BCAS3: variants seen among roughly 807,000 people sequenced by gnomAD.
The protein encoded by BCAS3 is BCAS3 microtubule associated cell migration factor.
In BCAS3, 53 loss-of-function variants were observed where a neutral mutation model predicts 116.1. The ratio of observed to expected loss-of-function variants is 0.46; its 90% CI spans 0.37 to 0.57. BCAS3 has a LOEUF of 0.57. BCAS3 is among the 20% of genes least tolerant of loss of function. The pLI, the probability that BCAS3 is intolerant of heterozygous loss-of-function variation, is 0.00. For missense variants in BCAS3, 917 were observed against 1,165.4 expected, an observed-to-expected ratio of 0.79 and a Z score of 3.10; for synonymous variants, 391 against 408.2, an observed-to-expected ratio of 0.96 and a Z score of 0.51.
chr17:61,304,595 G>A (rs1430624963), intron 22 of BCAS3, among the ~76,000 whole-genome samples: 1 of 152,186 alleles, frequency 6.6e-6, no homozygotes, highest in Admixed American at 6.5e-5. Context: ...AGGAAGGAGG[G>A]AGGAAAGAGG....
rs1367285417 is a variant in BCAS3 at position 61,007,489 on chromosome 17, C to T, written c.1487-8262C>T. On this transcript the variant is annotated intron_variant, in intron 15 of 23. Coordinates refer to ENST00000407086, the MANE Select transcript of BCAS3 (RefSeq NM_017679.5). The surrounding 1 kb of genome is among the most constrained non-coding windows in gnomAD (Gnocchi z 4.3). ...GCCAACACATTCAGATAATAATTAA[C>T]AGATGATAATGGATTCACAATAGAA... 6.6e-6 allele frequency among the ~76,000 whole-genome samples: 1 copy of T among 151,900 alleles called. No homozygotes were observed. Among genetic ancestry groups the T allele is most frequent in the Non-Finnish European group, 1.5e-5 (1 of 67,944 alleles).
intron 16 of BCAS3, among the ~76,000 whole-genome samples, chr17:61,016,600 C>G (rs1049083414): frequency 2.6e-5 from 4 of 152,156 alleles, no homozygotes; most frequent in African/African-American, 9.7e-5. Context: ...TATATTAACA[C>G]TGGAAATCCA....
At position 61,261,539 on chromosome 17, in the gene BCAS3, G is replaced by GA. The variant is rs1249624340; in HGVS notation, c.2426-106782dup. Among the ~76,000 whole-genome samples, 1 of 151,984 alleles carries GA rather than the reference G, an allele frequency of 6.6e-6. No homozygotes were observed. Among genetic ancestry groups the GA allele is most frequent in the Non-Finnish European group, 1.5e-5 (1 of 67,968 alleles). On this transcript the variant is annotated intron_variant, in intron 22 of 23. Coordinates refer to ENST00000407086, the MANE Select transcript of BCAS3 (RefSeq NM_017679.5). The surrounding 1 kb of genome is among the most constrained non-coding windows in gnomAD (Gnocchi z 4.4). ...TACTCTTCTGTTATTACATTCATTA[G>GA]AAAAAAGAGCTGTTTATTTCTTTTC...
intron 19 of BCAS3, among the ~76,000 whole-genome samples, chr17:61,059,152 G>A (rs901526541): frequency 2.3e-4 from 30 of 131,466 alleles, no homozygotes; most frequent in East Asian, 2.3e-4. Context: ...GCACAATCTC[G>A]GCTCGCTGCA....
At chr17:60,744,630 T>C (rs2041878937) in intron 5 of BCAS3, among the ~76,000 whole-genome samples, 1 of 152,134 alleles carries the variant, frequency 6.6e-6, no homozygotes, top group Admixed American at 6.5e-5. Flanking sequence ...TTTCAGTAGG[T>C]TGTACAATCC....
intron 6 of BCAS3, among the ~76,000 whole-genome samples, chr17:60,786,391 G>A (rs2046286912): frequency 1.3e-5 from 2 of 151,990 alleles, no homozygotes; most frequent in Non-Finnish European, 2.9e-5. Flanking sequence ...GCATGGTGGT[G>A]CACATCTGTA....
chr17:60,849,565 T>C (rs1184670772), intron 7 of BCAS3, among the ~76,000 whole-genome samples: 2 of 152,160 alleles, frequency 1.3e-5, no homozygotes, highest in East Asian at 3.8e-4. Context: ...AAAAAGTTTA[T>C]AAAGAGATTT....
chr17:61,274,393 G>T (rs1410920341), intron 22 of BCAS3, among the ~76,000 whole-genome samples: 1 of 147,222 alleles, frequency 6.8e-6, no homozygotes, highest in African/African-American at 2.5e-5. Context: ...GGTTCAAGCA[G>T]TTCTTCTGCC....
At chr17:60,685,827 A>G (rs1337015999) in intron 3 of BCAS3, among the ~76,000 whole-genome samples, 2 of 151,968 alleles carry the variant, frequency 1.3e-5, no homozygotes, top group African/African-American at 4.8e-5. Context: ...TACTGACCAT[A>G]GGTTGCTTAG....
intron 12 of BCAS3, among the ~76,000 whole-genome samples, chr17:60,917,666 C>T (rs1285258307): frequency 6.6e-6 from 1 of 151,874 alleles, no homozygotes; most frequent in East Asian, 1.9e-4. Context: ...CAATGTTGGC[C>T]CACTGCAACT....
At chr17:61,255,062 T>G (rs749872504) in intron 22 of BCAS3, among the ~76,000 whole-genome samples, 12 of 152,202 alleles carry the variant, frequency 7.9e-5, no homozygotes, top group Non-Finnish European at 1.6e-4. Context: ...TTAATCTCAA[T>G]TTGTTCTGAA....
intron 2 of BCAS3, 96 bp downstream of exon 2, chr17:60,679,636 A>G (rs2032681731): frequency 1.0e-6 from 1 of 998,424 alleles, no homozygotes; most frequent in African/African-American, 1.6e-5. Flanking sequence ...ACTTTTGTAA[A>G]AATCTTTTAA....
chr17:60,766,677 G>T (rs1172321545), intron 6 of BCAS3, among the ~76,000 whole-genome samples: 1 of 152,214 alleles, frequency 6.6e-6, no homozygotes, highest in Non-Finnish European at 1.5e-5. Context: ...GAGGCAGTCT[G>T]TCTTTTCTCA....
chr17:60,896,726 A>T (rs2057537792), intron 10 of BCAS3, among the ~76,000 whole-genome samples: 1 of 151,868 alleles, frequency 6.6e-6, no homozygotes, highest in African/African-American at 2.4e-5. Context: ...TCTTTATGGT[A>T]AGGTAAGTTT....
At chr17:60,735,923 G>C (rs904374789) in intron 5 of BCAS3, among the ~76,000 whole-genome samples, 2 of 143,164 alleles carry the variant, frequency 1.4e-5, no homozygotes, top group African/African-American at 6.0e-5. Context: ...CGATGTGATG[G>C]CTTATGTTAA....
In BCAS3 at chr17:61,077,691, C is replaced by T. The variant is rs2072156892; in HGVS notation, c.2131-642C>T. Among the ~76,000 whole-genome samples, 1 of 151,740 alleles carries T rather than the reference C, an allele frequency of 6.6e-6. No homozygotes were observed. Among genetic ancestry groups the T allele is most frequent in the South Asian group, 2.1e-4 (1 of 4,822 alleles). On this transcript the variant is annotated intron_variant, in intron 20 of 23. Coordinates refer to ENST00000407086, the MANE Select transcript of BCAS3 (RefSeq NM_017679.5). This position sits in a 1 kb window ranked among gnomAD's most constrained non-coding sequence, Gnocchi z 4.3. ...ACACTAATTAATGGTATTTGGAAGA[C>T]AAAAATCTAGTTTGAGAGAAAATAT...
intron 14 of BCAS3, among the ~76,000 whole-genome samples, chr17:60,951,796 C>T (rs771464358): frequency 2.6e-5 from 3 of 116,784 alleles, no homozygotes; most frequent in African/African-American, 6.9e-5. Context: ...TCTTTGGAGA[C>T]GGAGTCTCTA....
chr17:61,367,107 G>C lies in BCAS3; in HGVS notation c.2426-1220G>C, dbSNP rs998286738. ...GACACTGCCCAGCCCTCACTGCCTG[G>C]CGAAGATAGTTTCTGACGGCTGATC... On this transcript the variant is annotated intron_variant, in intron 22 of 23. Coordinates refer to ENST00000407086, the MANE Select transcript of BCAS3 (RefSeq NM_017679.5). This position sits in a 1 kb window ranked among gnomAD's most constrained non-coding sequence, Gnocchi z 6.2. 6.6e-6 allele frequency among the ~76,000 whole-genome samples: 1 copy of C among 152,228 alleles called. No homozygotes were observed. The highest frequency in any genetic ancestry group is 1.5e-5 in the Non-Finnish European group (1 of 68,042).
chr17:61,237,496 C>G (rs998300723), intron 22 of BCAS3, among the ~76,000 whole-genome samples: 3 of 152,240 alleles, frequency 2.0e-5, no homozygotes, highest in East Asian at 1.9e-4. Context: ...GCTGTGGAAG[C>G]TGGTTCTTTT....
Sources: gnomAD v4.1 joint callset for allele counts (sites outside exome capture counted in the v4.1 genomes callset) on GRCh38, gnomAD v4.1.1 for gene constraint, Gnocchi (gnomAD v3.1) non-coding constraint, MANE v1.5 for transcripts, NCBI Gene and HGNC (gene_info 2026-07-23, HGNC 2026-07-21) for gene names.